The following ULK4 variants were observed in gnomAD, a reference collection of about 807,000 sequenced individuals.
ULK4 encodes inactive serine/threonine-protein kinase ULK4.
Under a neutral mutation model 160.6 loss-of-function variants are expected in ULK4, and 133 were observed. The observed-to-expected ratio is 0.83, with a 90% CI of 0.72 to 0.96. The LOEUF is 0.96. Among genes scored for constraint, ULK4 ranks in the 40% least tolerant of loss-of-function variants. The pLI is 0.00. For synonymous variants in ULK4, 534 were observed against 539.8 expected (o/e 0.99, Z 0.15); for missense variants, 1,580 against 1,499.5 (o/e 1.05, Z -0.89).
chr3:41,474,791 T>C (rs1437316253), intron 32 of ULK4, among the ~76,000 whole-genome samples: 14 of 138,746 alleles, frequency 1.0e-4, no homozygotes, highest in African/African-American at 3.9e-4. Flanking sequence ...CAAGGAGATA[T>C]CACCTTACAT....
intron 35 of ULK4, among the ~76,000 whole-genome samples, chr3:41,268,450 T>C (rs1418061190): frequency 6.6e-6 from 1 of 152,164 alleles, no homozygotes; most frequent in Non-Finnish European, 1.5e-5. Flanking sequence ...CAGGGTGAAC[T>C]TGTGCTTCAA....
Position 41,955,795 on chromosome 3 carries a change from GAA to G in ULK4, c.-48-990_-48-989del, listed in dbSNP as rs56899591. ...ATACCCTATCCATAAAACCTTCACA[GAA>G]AAAAAAAAAAAAAGTGAAAATAACA... On this transcript the variant is annotated intron_variant, in intron 1 of 36. Coordinates refer to ENST00000301831, the MANE Select transcript of ULK4 (RefSeq NM_017886.4). 2.7e-3 allele frequency: 378 copies of G among 140,708 alleles called. 1 individual carries two copies. Among genetic ancestry groups the G allele is most frequent in the Middle Eastern group, 7.2e-3 (2 of 278 alleles). 8.7% of individuals were successfully genotyped at this position (140,708 alleles called of 1,614,324 possible).
intron 35 of ULK4, among the ~76,000 whole-genome samples, chr3:41,296,887 G>A (rs559337167): frequency 6.6e-6 from 1 of 150,628 alleles, no homozygotes; most frequent in East Asian, 2.0e-4. Context: ...AAGGGGAGAG[G>A]GATAAAAGAG....
At chr3:41,731,546 T>C (rs1344106748) in intron 22 of ULK4, among the ~76,000 whole-genome samples, 1 of 151,892 alleles carries the variant, frequency 6.6e-6, no homozygotes, top group East Asian at 1.9e-4. Flanking sequence ...TTAAGACATC[T>C]ATACTACCTA....
chr3:41,246,804 A>T lies in ULK4; in HGVS notation c.*125T>A. On this transcript the variant is annotated 3_prime_UTR_variant, in exon 37 of 37. Transcript: ENST00000301831. ...CACTTGGGCCACCAGGTTCTGGGTT[A>T]AGCTGACTTTATTAGGTCCAAAGAC... 8.4e-7 allele frequency: 1 copy of T among 1,184,416 alleles called. No individual in the cohort carries two copies. Among genetic ancestry groups the T allele is most frequent in the Admixed American group, 2.3e-5 (1 of 44,120 alleles). The allele number at this position is 1,184,416 out of a possible 1,614,324, so 73.4% of individuals were successfully genotyped here. A position where few individuals can be genotyped will look rare whatever the true frequency, so the allele number is the denominator to read the frequency against.
intron 27 of ULK4, among the ~76,000 whole-genome samples, chr3:41,687,459 C>T (rs1197883068): frequency 6.6e-6 from 1 of 152,038 alleles, no homozygotes; most frequent in Non-Finnish European, 1.5e-5. Context: ...CCTCATCAGA[C>T]TACCAAAGGC....
chr3:41,598,846 A>C lies in ULK4; in HGVS notation c.3120+16823T>G, dbSNP rs555322595. Among the ~76,000 whole-genome samples, 152 of 152,378 alleles carry C rather than the reference A, an allele frequency of 1.0e-3. 1 individual carries two copies. Among genetic ancestry groups the C allele is most frequent in the African/African-American group, 3.5e-3 (146 of 41,592 alleles). On this transcript the variant is annotated intron_variant, in intron 31 of 36. Coordinates refer to ENST00000301831, the MANE Select transcript of ULK4 (RefSeq NM_017886.4). ...CAAATTATCACAGACGTTGTGGCTT[A>C]AAACAACATAAATTGACTATCTTAC...
chr3:41,827,405 G>C (rs913177212), intron 18 of ULK4, among the ~76,000 whole-genome samples: 167 of 152,120 alleles, frequency 1.1e-3, no homozygotes, highest in African/African-American at 3.9e-3. Context: ...AAAATTGATA[G>C]ACCACTAGCA....
At chr3:41,308,098 C>T (rs1467561241) in intron 35 of ULK4, among the ~76,000 whole-genome samples, 1 of 152,136 alleles carries the variant, frequency 6.6e-6, no homozygotes, top group Non-Finnish European at 1.5e-5. Context: ...GCTTGACTTG[C>T]AGGGCCTGAG....
intron 32 of ULK4, among the ~76,000 whole-genome samples, chr3:41,494,999 T>C (rs2084933547): frequency 6.6e-6 from 1 of 151,934 alleles, no homozygotes; most frequent in South Asian, 2.1e-4. Flanking sequence ...AAAATGGCCA[T>C]ACTGCCCAAG....
chr3:41,385,003 A>G (rs1025135732), intron 35 of ULK4, among the ~76,000 whole-genome samples: 1 of 152,138 alleles, frequency 6.6e-6, no homozygotes, highest in Non-Finnish European at 1.5e-5. Context: ...TGCAGTCCCC[A>G]TGAGGGCACC....
intron 1 of ULK4, among the ~76,000 whole-genome samples, chr3:41,961,298 A>C (rs1464146136): frequency 6.6e-6 from 1 of 152,164 alleles, no homozygotes; most frequent in African/African-American, 2.4e-5. Context: ...CCTGGGACTT[A>C]ATACAAAAGA....
At chr3:41,295,708 T>C (rs2079655393) in intron 35 of ULK4, among the ~76,000 whole-genome samples, 1 of 75,518 alleles carries the variant, frequency 1.3e-5, no homozygotes, top group Middle Eastern at 7.5e-3. Context: ...CATCAAGAAA[T>C]GTAAATTAAA....
chr3:41,512,629 A>T (rs9815138), intron 32 of ULK4, among the ~76,000 whole-genome samples: 38,931 of 152,100 alleles, frequency 0.26, 5,230 homozygotes, highest in African/African-American at 0.31. Context: ...AATAGACAAC[A>T]CAAACAAATG....
At chr3:41,659,877 T>A (rs908976447) in intron 30 of ULK4, among the ~76,000 whole-genome samples, 1 of 152,218 alleles carries the variant, frequency 6.6e-6, no homozygotes, top group Non-Finnish European at 1.5e-5. Flanking sequence ...ATCTTACCAC[T>A]GTAAAACCCA....
intron 35 of ULK4, among the ~76,000 whole-genome samples, chr3:41,311,119 A>G (rs1245179919): frequency 3.3e-5 from 5 of 152,236 alleles, no homozygotes; most frequent in Non-Finnish European, 7.3e-5. Context: ...GTACTCAGGT[A>G]TTTTGCCAAA....
intron 35 of ULK4, among the ~76,000 whole-genome samples, chr3:41,264,485 T>G (rs1014958028): frequency 6.6e-6 from 1 of 152,188 alleles, no homozygotes; most frequent in African/African-American, 2.4e-5. Context: ...GCATGCCACA[T>G]AAGCCACGCA....
intron 22 of ULK4, among the ~76,000 whole-genome samples, chr3:41,743,705 G>T (rs1024400032): frequency 6.6e-6 from 1 of 151,722 alleles, no homozygotes; most frequent in Non-Finnish European, 1.5e-5. Context: ...TTGCTCTGTT[G>T]CCCAGGCTGG....
intron 35 of ULK4, among the ~76,000 whole-genome samples, chr3:41,316,960 C>T (rs2080153090): frequency 6.6e-6 from 1 of 151,554 alleles, no homozygotes; most frequent in South Asian, 2.1e-4. Flanking sequence ...TTTTTCTATG[C>T]AATTTTAATT....
Sources: allele counts gnomAD v4.1 joint callset (sites outside exome capture counted in the v4.1 genomes callset), GRCh38; gene constraint gnomAD v4.1.1; transcripts MANE v1.5; gene names NCBI Gene and HGNC (gene_info 2026-07-23, HGNC 2026-07-21).